The following DOCK2 variants were observed in gnomAD, a reference collection of about 807,000 sequenced individuals.
DOCK2 encodes dedicator of cytokinesis 2.
A neutral mutation model predicts 248.9 loss-of-function variants in DOCK2; 87 were observed. The ratio of observed to expected loss-of-function variants is 0.35; its 90% CI spans 0.29 to 0.42. The LOEUF is 0.42. Ranked by LOEUF, DOCK2 falls within the 10% of genes least tolerant of loss-of-function variation. DOCK2 has a pLI of 1.00. For synonymous variants in DOCK2, 805 were observed against 821.6 expected, an observed-to-expected ratio of 0.98 and a Z score of 0.35; for missense variants, 1,747 against 2,300.2, an observed-to-expected ratio of 0.76 and a Z score of 4.92.
At chr5:169,878,241 A>G (rs1239434935) in intron 27 of DOCK2, among the ~76,000 whole-genome samples, 1 of 152,164 alleles carries the variant, frequency 6.6e-6, no homozygotes, top group Non-Finnish European at 1.5e-5. Context: ...TTAGGGCACC[A>G]TTTCCCAAAC....
chr5:169,856,074 T>A (rs1448721186), intron 27 of DOCK2, among the ~76,000 whole-genome samples: 5 of 152,130 alleles, frequency 3.3e-5, no homozygotes, highest in African/African-American at 9.7e-5. Context: ...CTTGCTATCA[T>A]GAGAACAGCC....
chr5:169,761,554 C>T lies in DOCK2; in HGVS notation c.2483C>T (p.Pro828Leu). Residue 828 changes from proline (P) to leucine (L), a missense_variant, in exon 25 of 52, where the codon CCT (proline) becomes CTT (leucine). Pro to Leu is a moderately conservative substitution (Grantham distance 98). Coordinates refer to ENST00000520908, the MANE Select transcript of DOCK2 (RefSeq NM_004946.3). The stretch of plus-strand genomic sequence containing the variant: ...TATGAGTTCTACACCTGCATCCCTC[C>T]TGTGAAACTCCAGAAGCAGAAAGTA... The part of the protein sequence containing the change: ...LLYEFYTCIP[P>L]VKLQKQKVQS... The T allele has an allele frequency of 1.2e-6, 2 of 1,614,106 alleles. No individual in the cohort carries two copies. The highest frequency in any genetic ancestry group is 1.7e-6 in the Non-Finnish European group (2 of 1,179,956).
intron 30 of DOCK2, among the ~76,000 whole-genome samples, chr5:170,008,093 C>A (rs1755120090): frequency 6.6e-6 from 1 of 152,030 alleles, no homozygotes. Context: ...ACTATCTTAC[C>A]CTTCGTCACC....
intron 27 of DOCK2, among the ~76,000 whole-genome samples, chr5:169,953,561 A>G (rs575797974): frequency 2.0e-5 from 3 of 152,284 alleles, no homozygotes; most frequent in South Asian, 2.1e-4. Flanking sequence ...GCTTTGCATT[A>G]TTATTATTTG....
At chr5:170,063,983 C>T (rs1329875735) in intron 44 of DOCK2, among the ~76,000 whole-genome samples, 1 of 152,148 alleles carries the variant, frequency 6.6e-6, no homozygotes, top group African/African-American at 2.4e-5. Flanking sequence ...TTTCCAGCTA[C>T]ATCTAGAGAG....
Position 170,045,841 on chromosome 5 carries a change from G to T in DOCK2, c.3902G>T (p.Cys1301Phe). Residue 1301 changes from cysteine (C) to phenylalanine (F), a missense_variant, in exon 39 of 52, where the codon TGC becomes TTC. By Grantham distance (205) the Cys-to-Phe change is radical. Coordinates refer to ENST00000520908, the MANE Select transcript of DOCK2 (RefSeq NM_004946.3). ...ATGTGGGAAGAGGCCATAAGTCTGTGCAAGGAGCTGGCGGAACAGTACGAG... is the reference window on the plus strand; with the variant it reads ...ATGTGGGAAGAGGCCATAAGTCTGTTCAAGGAGCTGGCGGAACAGTACGAG... ...GKMWEEAISL[C>F]KELAEQYEME... 1 of 1,614,150 alleles carries T rather than the reference G, an allele frequency of 6.2e-7. No homozygotes were observed. Among genetic ancestry groups the T allele is most frequent in the African/African-American group, 1.3e-5 (1 of 75,048 alleles).
At chr5:169,669,790 C>T (rs1399422507) in intron 3 of DOCK2, among the ~76,000 whole-genome samples, 1 of 152,210 alleles carries the variant, frequency 6.6e-6, no homozygotes, top group Non-Finnish European at 1.5e-5. Context: ...AGAGCAGGCG[C>T]TTGCTTTGCT....
chr5:169,971,288 C>A (rs1777499087), intron 27 of DOCK2, among the ~76,000 whole-genome samples: 1 of 152,050 alleles, frequency 6.6e-6, no homozygotes, highest in African/African-American at 2.4e-5. Context: ...GAGAAGGAGC[C>A]AGCCTGCCGG....
chr5:170,036,639 G>C, intron 36 of DOCK2, 84 bp downstream of exon 36: 6 of 1,356,070 alleles, frequency 4.4e-6, no homozygotes, highest in Non-Finnish European at 6.1e-6. Context: ...CTGCCTTCAG[G>C]ATAAAATTTA....
chr5:169,891,593 C>T (rs965810702), intron 27 of DOCK2, among the ~76,000 whole-genome samples: 1 of 151,946 alleles, frequency 6.6e-6, no homozygotes, highest in African/African-American at 2.4e-5. Context: ...TCCTGGGACT[C>T]AAAGCAAACC....
intron 17 of DOCK2, 39 bp from the exon 18 acceptor site, chr5:169,713,989 G>A (rs1334115229): frequency 6.5e-7 from 1 of 1,549,822 alleles, no homozygotes; most frequent in South Asian, 1.2e-5. Flanking sequence ...ATTGGGCATG[G>A]AGCCTTGGCT....
At chr5:169,944,940 C>T (rs1405302601) in intron 27 of DOCK2, among the ~76,000 whole-genome samples, 1 of 152,202 alleles carries the variant, frequency 6.6e-6, no homozygotes, top group Non-Finnish European at 1.5e-5. Flanking sequence ...TAACTTCTTT[C>T]TCCCTTCAGA....
intron 22 of DOCK2, among the ~76,000 whole-genome samples, chr5:169,733,684 C>T (rs947217518): frequency 2.6e-5 from 4 of 151,990 alleles, no homozygotes; most frequent in East Asian, 1.9e-4. Context: ...TTCTGAAACT[C>T]GAAAGGAAGT....
chr5:169,778,331 G>T (rs1006033822), intron 25 of DOCK2, among the ~76,000 whole-genome samples: 7 of 152,126 alleles, frequency 4.6e-5, no homozygotes, highest in African/African-American at 1.4e-4. Flanking sequence ...ATACTAAATG[G>T]TCTCTGTGTC....
At chr5:169,936,445 T>A (rs1286953518) in intron 27 of DOCK2, among the ~76,000 whole-genome samples, 4 of 152,094 alleles carry the variant, frequency 2.6e-5, no homozygotes, top group Non-Finnish European at 4.4e-5. Context: ...TCACAGCTAG[T>A]CAATAGCAGA....
intron 32 of DOCK2, among the ~76,000 whole-genome samples, chr5:170,017,722 A>T (rs1021764): frequency 0.034 from 5,222 of 152,308 alleles, 173 homozygotes; most frequent in African/African-American, 0.092. Flanking sequence ...GAAGGGAGAC[A>T]AACTTGATCA....
rs192449635 is a variant in DOCK2 at position 169,775,241 on chromosome 5, G to A, written c.2554+13616G>A. Among the ~76,000 whole-genome samples the A allele has an allele frequency of 4.7e-3, 720 of 152,250 alleles. 6 individuals carry two copies. The highest frequency in any genetic ancestry group is 0.017 in the African/African-American group (687 of 41,530). On this transcript the variant is annotated intron_variant, in intron 25 of 51. Transcript: ENST00000520908. ...CTATGTGTGACAGAGACAAGTGTAT[G>A]GTGAAATGTTTCTTTGCTACTAAGG... is the stretch of plus-strand genomic sequence containing the variant.
intron 26 of DOCK2, among the ~76,000 whole-genome samples, chr5:169,820,920 T>G (rs923324499): frequency 1.3e-5 from 2 of 152,152 alleles, no homozygotes; most frequent in Non-Finnish European, 2.9e-5. Context: ...AGAGAAGTCC[T>G]TAAAGGACCT....
chr5:170,056,443 G>T (rs1757133401), intron 42 of DOCK2: 6 of 448,886 alleles, frequency 1.3e-5, no homozygotes, highest in Admixed American at 3.9e-5. Flanking sequence ...TACTCTAGGG[G>T]TACTATGTTC....
Sources: gnomAD v4.1 joint callset for allele counts (sites outside exome capture counted in the v4.1 genomes callset) on GRCh38, gnomAD v4.1.1 for gene constraint, MANE v1.5 for transcripts, NCBI Gene and HGNC (gene_info 2026-07-23, HGNC 2026-07-21) for gene names.